Variants in ZDHHC14 observed in about 807,000 individuals in gnomAD.
The protein encoded by ZDHHC14 is palmitoyltransferase ZDHHC14.
ZDHHC14 carries 16 observed loss-of-function variants against 47.7 expected under a neutral mutation model. The observed-to-expected ratio is 0.34, with a 90% confidence interval of 0.23 to 0.51. ZDHHC14 has a LOEUF of 0.51. ZDHHC14 is among the 20% of genes least tolerant of loss of function. ZDHHC14 has a pLI of 0.97. For synonymous variants in ZDHHC14, 293 were observed against 278.9 expected (o/e 1.05, Z -0.50); for missense variants, 515 against 662.5 (o/e 0.78, Z 2.44).
chr6:157,593,586 C>G (rs1289418848), intron 3 of ZDHHC14, among the ~76,000 whole-genome samples: 1 of 152,208 alleles, frequency 6.6e-6, no homozygotes, highest in Non-Finnish European at 1.5e-5. Context: ...CGGGAGACCT[C>G]TCCTCCAGGG....
At chr6:157,417,953 C>CAA (rs5881210) in intron 1 of ZDHHC14, among the ~76,000 whole-genome samples, 2 of 76,770 alleles carry the variant, frequency 2.6e-5, no homozygotes, top group Middle Eastern at 8.1e-3. Context: ...GAGTCCATCT[C>CAA]AAAAAAAAAA....
chr6:157,604,263 G>T (rs1190422929), intron 3 of ZDHHC14, among the ~76,000 whole-genome samples: 1 of 149,780 alleles, frequency 6.7e-6, no homozygotes, highest in African/African-American at 2.5e-5. Context: ...CTCCAGCCTG[G>T]GTGATGGAGT....
At chr6:157,546,039 G>A (rs150868746) in intron 2 of ZDHHC14, among the ~76,000 whole-genome samples, 68 of 152,204 alleles carry the variant, frequency 4.5e-4, no homozygotes, top group African/African-American at 1.3e-3. Flanking sequence ...ACAAATGTAC[G>A]TTCTCATAAA....
At chr6:157,524,821 A>G (rs780411155) in intron 1 of ZDHHC14, among the ~76,000 whole-genome samples, 4 of 152,244 alleles carry the variant, frequency 2.6e-5, no homozygotes, top group Non-Finnish European at 5.9e-5. Flanking sequence ...CACTATCAGA[A>G]GAATATCCCA....
At chr6:157,450,769 T>C (rs1485761198) in intron 1 of ZDHHC14, among the ~76,000 whole-genome samples, 3 of 152,268 alleles carry the variant, frequency 2.0e-5, no homozygotes, top group South Asian at 2.1e-4. Flanking sequence ...CTAAGGCAAG[T>C]GTACAAAGAG....
intron 8 of ZDHHC14, among the ~76,000 whole-genome samples, chr6:157,657,595 G>A (rs1263750960): frequency 1.3e-5 from 2 of 152,208 alleles, no homozygotes; most frequent in Non-Finnish European, 2.9e-5. Context: ...CCATGCTAAA[G>A]AAGCCCTCCA....
intron 1 of ZDHHC14, among the ~76,000 whole-genome samples, chr6:157,395,467 T>C (rs959502291): frequency 2.6e-5 from 4 of 151,826 alleles, no homozygotes; most frequent in Non-Finnish European, 4.4e-5. Context: ...CACCTAGCCT[T>C]TCCGTCTCTA....
chr6:157,455,020 T>C (rs543709383), intron 1 of ZDHHC14, among the ~76,000 whole-genome samples: 1 of 152,342 alleles, frequency 6.6e-6, no homozygotes, highest in African/African-American at 2.4e-5. Flanking sequence ...TTTAACACTC[T>C]CATTTATCGC....
intron 1 of ZDHHC14, among the ~76,000 whole-genome samples, chr6:157,382,681 T>G (rs1777238714): frequency 6.6e-6 from 1 of 152,120 alleles, no homozygotes; most frequent in African/African-American, 2.4e-5. Flanking sequence ...GGAACTGACT[T>G]TTTCCCCCTT....
intron 2 of ZDHHC14, among the ~76,000 whole-genome samples, chr6:157,592,607 G>A (rs774013194): frequency 1.3e-5 from 2 of 152,222 alleles, no homozygotes; most frequent in Non-Finnish European, 2.9e-5. Flanking sequence ...GGTCAGGGTG[G>A]CCCTCCTCTG....
chr6:157,396,575 A>G (rs2114741115), intron 1 of ZDHHC14, among the ~76,000 whole-genome samples: 1 of 152,358 alleles, frequency 6.6e-6, no homozygotes, highest in Admixed American at 6.5e-5. Context: ...CCTCTCTTTA[A>G]GATTGAAACC....
At chr6:157,406,647 T>C (rs1226682102) in intron 1 of ZDHHC14, among the ~76,000 whole-genome samples, 1 of 152,256 alleles carries the variant, frequency 6.6e-6, no homozygotes, top group Non-Finnish European at 1.5e-5. Context: ...AAATTATCAT[T>C]ATATACATAT....
intron 1 of ZDHHC14, among the ~76,000 whole-genome samples, chr6:157,533,748 G>A (rs1781447405): frequency 6.6e-6 from 1 of 152,254 alleles, no homozygotes; most frequent in African/African-American, 2.4e-5. Context: ...GCCGGGCCAT[G>A]CTTTGATGGG....
intron 7 of ZDHHC14, among the ~76,000 whole-genome samples, chr6:157,653,310 C>T (rs1023398611): frequency 6.6e-6 from 1 of 152,024 alleles, no homozygotes; most frequent in East Asian, 1.9e-4. Context: ...CTTGGCCTGG[C>T]GAGGAGGCAG....
At chr6:157,672,630 CCCTCCCCGCCCGTGCCCTGT>C in intron 8 of ZDHHC14, 74 bp from the exon 9 acceptor site, 5 of 221,336 alleles carry the variant, frequency 2.3e-5, no homozygotes, top group Admixed American at 6.5e-5. Context: ...TCGCACCCCA[CCCTCCCCGCCCGTGCCCTGT>C]CCCCATCCCT....
At chr6:157,650,316 C>T (rs1777765445) in intron 7 of ZDHHC14, among the ~76,000 whole-genome samples, 1 of 151,986 alleles carries the variant, frequency 6.6e-6, no homozygotes, top group Admixed American at 6.5e-5. Flanking sequence ...GGGTGAGGGT[C>T]CTGGCTCATC....
chr6:157,595,514 C>G (rs1784091543), intron 3 of ZDHHC14, among the ~76,000 whole-genome samples: 1 of 152,084 alleles, frequency 6.6e-6, no homozygotes, highest in East Asian at 1.9e-4. Flanking sequence ...TAATCACAGT[C>G]AAAATTTTCT....
chr6:157,458,077 C>T (rs546858401), intron 1 of ZDHHC14, among the ~76,000 whole-genome samples: 2 of 152,342 alleles, frequency 1.3e-5, no homozygotes, highest in East Asian at 1.9e-4. Flanking sequence ...GCGGATATGC[C>T]TCCTCTTTCT....
chr6:157,581,263 T>A (rs1017111761), intron 2 of ZDHHC14, among the ~76,000 whole-genome samples: 4 of 151,990 alleles, frequency 2.6e-5, no homozygotes, highest in Admixed American at 2.6e-4. Flanking sequence ...ATTTTTTATT[T>A]TTCTTGTGCT....
Sources: gnomAD v4.1 joint callset for allele counts (sites outside exome capture counted in the v4.1 genomes callset) on GRCh38, gnomAD v4.1.1 for gene constraint, MANE v1.5 for transcripts, NCBI Gene and HGNC (gene_info 2026-07-23, HGNC 2026-07-21) for gene names.